Variants in NRXN3 observed in about 807,000 individuals in gnomAD.
The protein encoded by NRXN3 is neurexin 3.
NRXN3 carries 32 observed loss-of-function variants against 137.6 expected under a neutral mutation model. The observed-to-expected ratio is 0.23, with a 90% CI of 0.18 to 0.31. The LOEUF is 0.31. NRXN3 is among the 10% of genes least tolerant of loss of function. The pLI is 1.00. For synonymous variants in NRXN3, 798 were observed against 784.5 expected, an observed-to-expected ratio of 1.02 and a Z score of -0.29; for missense variants, 1,574 against 2,062.5, an observed-to-expected ratio of 0.76 and a Z score of 4.59.
chr14:78,777,378 T>C (rs1232135613), intron 8 of NRXN3, among the ~76,000 whole-genome samples: 1 of 152,220 alleles, frequency 6.6e-6, no homozygotes, highest in Non-Finnish European at 1.5e-5. Flanking sequence ...ACAGCTAATA[T>C]AAGTCGCATG....
intron 2 of NRXN3, among the ~76,000 whole-genome samples, chr14:78,254,910 G>T (rs1294091893): frequency 6.6e-6 from 1 of 151,860 alleles, no homozygotes; most frequent in Non-Finnish European, 1.5e-5. Context: ...TGCTCCTGGA[G>T]ACAGGCCTTG....
rs556661406 is a variant in NRXN3 at position 79,315,910 on chromosome 14, G to A, written c.3263-151311G>A. 4.6e-5 allele frequency among the ~76,000 whole-genome samples: 7 copies of A among 152,302 alleles called. No homozygotes were observed. The South Asian group carries it at 1.0e-3, about 23-fold the overall frequency. ...TTTGCTACTGGAAAGAAAGCAGAGC[G>A]AGATATGGCCCTTTGGGGAGATGGT... On this transcript the variant is annotated intron_variant, in intron 15 of 20. Coordinates refer to ENST00000335750, the MANE Select transcript of NRXN3 (RefSeq NM_001330195.2).
At chr14:78,346,953 G>T (rs1271234767) in intron 4 of NRXN3, among the ~76,000 whole-genome samples, 1 of 152,214 alleles carries the variant, frequency 6.6e-6, no homozygotes, top group Non-Finnish European at 1.5e-5. Flanking sequence ...AGCAAAGGGT[G>T]ATGGATGGTG....
intron 19 of NRXN3, among the ~76,000 whole-genome samples, chr14:79,781,961 C>T (rs1216324888): frequency 6.6e-6 from 1 of 152,138 alleles, no homozygotes; most frequent in Non-Finnish European, 1.5e-5. Context: ...TCTCTTTTAA[C>T]TGCCTCGATG....
intron 4 of NRXN3, among the ~76,000 whole-genome samples, chr14:78,621,801 A>C (rs2097407454): frequency 1.3e-5 from 2 of 152,160 alleles, no homozygotes; most frequent in Admixed American, 1.3e-4. Flanking sequence ...AACTACTGAC[A>C]CTTTCAAGCA....
intron 10 of NRXN3, among the ~76,000 whole-genome samples, chr14:78,812,341 A>G (rs768039474): frequency 1.3e-5 from 2 of 152,114 alleles, no homozygotes; most frequent in African/African-American, 2.4e-5. Context: ...CTATGGAAAT[A>G]TTTTCTCTTT....
intron 4 of NRXN3, among the ~76,000 whole-genome samples, chr14:78,398,642 A>C (rs2091754599): frequency 6.6e-6 from 1 of 152,142 alleles, no homozygotes; most frequent in South Asian, 2.1e-4. Context: ...GCCTCCATTG[A>C]TACTGTGATG....
chr14:78,315,476 C>A (rs2078597197), intron 4 of NRXN3, among the ~76,000 whole-genome samples: 1 of 152,166 alleles, frequency 6.6e-6, no homozygotes, highest in African/African-American at 2.4e-5. Flanking sequence ...TGTGTTACAG[C>A]AAATTCCAAG....
intron 2 of NRXN3, among the ~76,000 whole-genome samples, chr14:78,256,472 T>A (rs1351980710): frequency 6.6e-6 from 1 of 152,258 alleles, no homozygotes; most frequent in Non-Finnish European, 1.5e-5. Context: ...TGTGCCAGCA[T>A]GTGCATGCCT....
intron 4 of NRXN3, among the ~76,000 whole-genome samples, chr14:78,620,252 A>G (rs1255054046): frequency 6.6e-6 from 1 of 152,232 alleles, no homozygotes; most frequent in African/African-American, 2.4e-5. Context: ...ACTTTTTATT[A>G]TTTCAGACAA....
rs548994938 is a variant in NRXN3 at position 78,799,937 on chromosome 14, A to G, written c.2045-3683A>G. Among the ~76,000 whole-genome samples the G allele has an allele frequency of 4.6e-5, 7 of 152,308 alleles. No homozygotes were observed. The East Asian group carries it at 1.2e-3, about 25-fold the overall frequency. Reference sequence around the variant, plus strand: ...CCAATATGTGGGAATTATTGGAACTACAATTCAAGATGAGGTTGGGGCGGG... The same window carrying G: ...CCAATATGTGGGAATTATTGGAACTGCAATTCAAGATGAGGTTGGGGCGGG... On this transcript the variant is annotated intron_variant, in intron 8 of 20. Coordinates refer to ENST00000335750, the MANE Select transcript of NRXN3 (RefSeq NM_001330195.2).
chr14:78,171,980 G>A (rs1262342706), intron 1 of NRXN3, among the ~76,000 whole-genome samples: 2 of 152,098 alleles, frequency 1.3e-5, no homozygotes, highest in African/African-American at 4.8e-5. Flanking sequence ...TAAAAGAGCT[G>A]GTAGGACAAG....
At chr14:79,583,994 C>A (rs1268326465) in intron 16 of NRXN3, among the ~76,000 whole-genome samples, 1 of 152,182 alleles carries the variant, frequency 6.6e-6, no homozygotes, top group East Asian at 1.9e-4. Context: ...AACAAACATA[C>A]TCTAGGCGAT....
chr14:78,845,528 C>G (rs1419651419), intron 10 of NRXN3, among the ~76,000 whole-genome samples: 1 of 151,872 alleles, frequency 6.6e-6, no homozygotes, highest in African/African-American at 2.4e-5. Context: ...GATTTCCTCC[C>G]CACTGACTTC....
At chr14:79,585,858 G>A (rs752113636) in intron 16 of NRXN3, among the ~76,000 whole-genome samples, 48 of 152,028 alleles carry the variant, frequency 3.2e-4, no homozygotes, top group Non-Finnish European at 1.2e-4. Flanking sequence ...GCCTCTTAAC[G>A]ATGAGGTATG....
chr14:79,226,814 C>CTTTTTTT (rs3035642), intron 15 of NRXN3, among the ~76,000 whole-genome samples: 12 of 98,448 alleles, frequency 1.2e-4, no homozygotes, highest in South Asian at 3.3e-4. Flanking sequence ...TCCTTTTTTT[C>CTTTTTTT]TTTTTTTTTT....
Position 79,861,786 on chromosome 14 carries a change from T to C in NRXN3, c.4538T>C (p.Leu1513Pro), listed in dbSNP as rs2099414256. The C allele has an allele frequency of 6.2e-7, 1 of 1,613,970 alleles. No homozygotes were observed. The highest frequency in any genetic ancestry group is 8.5e-7 in the Non-Finnish European group (1 of 1,180,028). ...GCTGCCGCCCTCTGCATCTTGATCCTCCTGTACGCCATGTACAAGTACAGG... is the reference window on the plus strand; with the variant it reads ...GCTGCCGCCCTCTGCATCTTGATCCCCCTGTACGCCATGTACAAGTACAGG... ...VAAAALCILI[L>P]LYAMYKYRNR... Residue 1513 changes from leucine to proline, a missense_variant, in exon 21 of 21, where the codon CTC becomes CCC. Physicochemically the swap from Leu to Pro is moderately conservative, Grantham distance 98. Coordinates refer to ENST00000335750, the MANE Select transcript of NRXN3 (RefSeq NM_001330195.2). The surrounding 1 kb of genome is among the most constrained non-coding windows in gnomAD (Gnocchi z 5.4).
At chr14:78,265,534 A>T (rs2071549092) in intron 2 of NRXN3, among the ~76,000 whole-genome samples, 2 of 152,214 alleles carry the variant, frequency 1.3e-5, no homozygotes. Flanking sequence ...ATATAAAAGA[A>T]ATACTGGCAC....
At chr14:79,601,116 T>C (rs1182348954) in intron 16 of NRXN3, among the ~76,000 whole-genome samples, 1 of 141,936 alleles carries the variant, frequency 7.0e-6, no homozygotes, top group East Asian at 2.3e-4. Context: ...CAATCTTGGC[T>C]CACTGCAACC....
Sources: gnomAD v4.1 joint callset for allele counts (sites outside exome capture counted in the v4.1 genomes callset) on GRCh38, gnomAD v4.1.1 for gene constraint, Gnocchi (gnomAD v3.1) non-coding constraint, MANE v1.5 for transcripts, NCBI Gene and HGNC (gene_info 2026-07-23, HGNC 2026-07-21) for gene names.